BEND3: variants seen among roughly 807,000 people sequenced by gnomAD.
BEND3 encodes the protein BEN domain-containing protein 3.
BEND3 carries 13 observed loss-of-function variants against 60.1 expected under a neutral mutation model. That is an observed-to-expected ratio of 0.22 (90% confidence interval 0.14 to 0.34). The LOEUF (loss-of-function observed/expected upper bound fraction) is 0.34. Among genes scored for constraint, BEND3 ranks in the 10% least tolerant of loss-of-function variants. BEND3 has a pLI of 1.00. For missense variants in BEND3, 896 were observed against 1,138.1 expected (o/e 0.79, Z 3.06); for synonymous variants, 497 against 491.5 (o/e 1.01, Z -0.15).
intron 3 of BEND3, among the ~76,000 whole-genome samples, chr6:107,087,632 G>A (rs899209367): frequency 6.9e-6 from 1 of 145,456 alleles, no homozygotes; most frequent in Admixed American, 6.8e-5. Context: ...AGCTACTCAG[G>A]AGGCTGAGGC....
chr6:107,084,724 A>G (rs1333389073), intron 3 of BEND3, among the ~76,000 whole-genome samples: 1 of 152,236 alleles, frequency 6.6e-6, no homozygotes, highest in African/African-American at 2.4e-5. Context: ...AAACACACCA[A>G]TCAGCACTCT....
chr6:107,100,301 G>A (rs916642095), intron 1 of BEND3, among the ~76,000 whole-genome samples: 1 of 152,092 alleles, frequency 6.6e-6, no homozygotes, highest in Non-Finnish European at 1.5e-5. Context: ...GGAGTGCAGT[G>A]GCGCAATCTT....
At chr6:107,106,892 G>A (rs311211) in intron 1 of BEND3, among the ~76,000 whole-genome samples, 49 of 150,844 alleles carry the variant, frequency 3.2e-4, no homozygotes, top group Non-Finnish European at 5.9e-4. Flanking sequence ...TCAGATGCAA[G>A]CCACCACACC....
intron 3 of BEND3, among the ~76,000 whole-genome samples, chr6:107,071,981 A>G (rs1430064509): frequency 6.6e-6 from 1 of 152,220 alleles, no homozygotes; most frequent in East Asian, 1.9e-4. Flanking sequence ...AACGTATCAA[A>G]TTGTATACCT....
At chr6:107,103,948 CAAAA>C (rs781876027) in intron 1 of BEND3, among the ~76,000 whole-genome samples, 5 of 92,834 alleles carry the variant, frequency 5.4e-5, no homozygotes, top group African/African-American at 2.1e-4. Flanking sequence ...AACTCCGTCT[CAAAA>C]AAAAAAAAAA....
chr6:107,081,922 G>T (rs191503157), intron 3 of BEND3, among the ~76,000 whole-genome samples: 1 of 152,144 alleles, frequency 6.6e-6, no homozygotes, highest in Admixed American at 6.6e-5. Flanking sequence ...GTGCAGCAAG[G>T]CAACAGAATT....
intron 1 of BEND3, among the ~76,000 whole-genome samples, chr6:107,107,385 T>A (rs1554237677): frequency 3.3e-5 from 5 of 152,090 alleles, no homozygotes; most frequent in Non-Finnish European, 5.9e-5. Context: ...GGAGAAAGTG[T>A]CTGACACATA....
At chr6:107,109,570 C>G (rs1775897145) in intron 1 of BEND3, among the ~76,000 whole-genome samples, 1 of 151,538 alleles carries the variant, frequency 6.6e-6, no homozygotes, top group Admixed American at 6.6e-5. Context: ...GAATCCCCAT[C>G]TCTATAAAAA....
At chr6:107,088,291 A>G (rs1477872226) in intron 3 of BEND3, among the ~76,000 whole-genome samples, 10 of 152,194 alleles carry the variant, frequency 6.6e-5, no homozygotes, top group African/African-American at 2.4e-4. Flanking sequence ...CAACAAGAAA[A>G]AGGAATGGAA....
At chr6:107,079,784 G>A (rs1485797161) in intron 3 of BEND3, among the ~76,000 whole-genome samples, 1 of 152,184 alleles carries the variant, frequency 6.6e-6, no homozygotes, top group Admixed American at 6.5e-5. Context: ...AGTTTGCTCA[G>A]CTGCCTGGTT....
At chr6:107,091,627 G>C (rs1156902633) in intron 3 of BEND3, among the ~76,000 whole-genome samples, 1 of 152,120 alleles carries the variant, frequency 6.6e-6, no homozygotes, top group Non-Finnish European at 1.5e-5. Flanking sequence ...TCCAAATAGG[G>C]CTATATCTAT....
In BEND3 at chr6:107,070,585, C is replaced by T. The variant is rs782256479; in HGVS notation, c.606G>A (p.Met202Ile). Residue 202 changes from methionine (M) to isoleucine (I), a missense_variant, in exon 4 of 4, where the codon ATG (methionine) becomes ATA (isoleucine). Physicochemically the swap from Met to Ile is conservative, Grantham distance 10 (BLOSUM62 1). Coordinates refer to ENST00000369042, the MANE Select transcript of BEND3 (RefSeq NM_001367314.1). The surrounding 1 kb of genome is among the most constrained non-coding windows in gnomAD (Gnocchi z 6.9). ...IYFLIQKMFYMLNTLTSNMSQ... is the reference protein window; with the variant it reads ...IYFLIQKMFYILNTLTSNMSQ... ...ACATGTTGGACGTGAGGGTGTTCAG[C>T]ATGTAGAACATCTTCTGGATCAGGA... 1.2e-6 allele frequency: 2 copies of T among 1,612,626 alleles called. No individual in the cohort carries two copies. The highest frequency in any genetic ancestry group is 2.2e-5 in the South Asian group (2 of 91,004).
In BEND3 at chr6:107,110,883, C is replaced by T. The variant is rs185699883; in HGVS notation, c.-12+4207G>A. Among the ~76,000 whole-genome samples the T allele has an allele frequency of 4.0e-5, 6 of 151,246 alleles. 1 individual carries two copies. The East Asian group carries it at 1.2e-3, about 30-fold the overall frequency. On this transcript the variant is annotated intron_variant, in intron 1 of 3. Transcript: ENST00000369042. ...TAAGTTTCATTTTAAAAATTTATCC[C>T]GGTCAGGCAGTGGCTCACACCTGCA...
intron 3 of BEND3, among the ~76,000 whole-genome samples, chr6:107,093,460 CAA>C (rs1243951286): frequency 1.2e-4 from 12 of 98,656 alleles, no homozygotes; most frequent in Non-Finnish European, 1.0e-4. Context: ...GACTCCGTCT[CAA>C]AAAAAAAAAA....
At chr6:107,113,040 C>T (rs547760345) in intron 1 of BEND3, among the ~76,000 whole-genome samples, 81 of 152,196 alleles carry the variant, frequency 5.3e-4, no homozygotes, top group African/African-American at 1.9e-3. Context: ...CGCCTGTAGT[C>T]CCAGCTACTC....
At chr6:107,098,791 C>T in intron 2 of BEND3, 38 bp from the exon 3 acceptor site, 1 of 1,573,502 alleles carries the variant, frequency 6.4e-7, no homozygotes, top group Middle Eastern at 1.8e-4. Context: ...TGGGAAAAAC[C>T]AGGGCTGCTC....
intron 1 of BEND3, among the ~76,000 whole-genome samples, chr6:107,106,709 A>T (rs1562317068): frequency 6.6e-6 from 1 of 152,132 alleles, no homozygotes; most frequent in Non-Finnish European, 1.5e-5. Flanking sequence ...TCCTGGGCTC[A>T]GATGATTCTC....
At chr6:107,113,566 C>G (rs1282538912) in intron 1 of BEND3, among the ~76,000 whole-genome samples, 1 of 151,918 alleles carries the variant, frequency 6.6e-6, no homozygotes, top group African/African-American at 2.4e-5. Flanking sequence ...CATCTTTCCT[C>G]TAGAATCCAA....
chr6:107,093,257 G>A (rs1013965796), intron 3 of BEND3, among the ~76,000 whole-genome samples: 1 of 152,108 alleles, frequency 6.6e-6, no homozygotes, highest in Admixed American at 6.6e-5. Context: ...CCAGGAGATC[G>A]AGACCATCCT....
Sources: allele counts gnomAD v4.1 joint callset (sites outside exome capture counted in the v4.1 genomes callset), GRCh38; gene constraint gnomAD v4.1.1; non-coding constraint Gnocchi (gnomAD v3.1); transcripts MANE v1.5; gene names NCBI Gene and HGNC (gene_info 2026-07-23, HGNC 2026-07-21).